ZEB1: variants seen among roughly 807,000 people sequenced by gnomAD.
ZEB1 encodes the protein zinc finger E-box-binding homeobox 1.
In ZEB1, 21 loss-of-function variants were observed where a neutral mutation model predicts 84.9. That is an observed-to-expected ratio of 0.25 (90% confidence interval 0.18 to 0.36). The LOEUF (loss-of-function observed/expected upper bound fraction) is 0.36. Ranked by LOEUF, ZEB1 falls within the 10% of genes least tolerant of loss-of-function variation. The probability of loss-of-function intolerance (pLI) is 1.00; values close to 1 mark genes in which losing one functional copy is unlikely to be tolerated. For missense variants in ZEB1, 1,104 were observed against 1,330.2 expected (o/e 0.83, Z 2.65); for synonymous variants, 420 against 471.1 (o/e 0.89, Z 1.41).
chr10:31,453,655 G>T (rs1430996260), intron 1 of ZEB1, among the ~76,000 whole-genome samples: 1 of 151,986 alleles, frequency 6.6e-6, no homozygotes, highest in Non-Finnish European at 1.5e-5. Context: ...TAGAAAATCT[G>T]GAAGAAATGG....
At chr10:31,454,164 T>G (rs1009656196) in intron 1 of ZEB1, among the ~76,000 whole-genome samples, 3 of 152,014 alleles carry the variant, frequency 2.0e-5, no homozygotes, top group Admixed American at 1.3e-4. Flanking sequence ...AAAACCACAT[T>G]ATTATCTCAA....
At chr10:31,398,443 T>G (rs531919409) in intron 1 of ZEB1, among the ~76,000 whole-genome samples, 1 of 152,152 alleles carries the variant, frequency 6.6e-6, no homozygotes, top group Non-Finnish European at 1.5e-5. Context: ...GGGGCAATTC[T>G]GCCTTCTCTC....
intron 1 of ZEB1, among the ~76,000 whole-genome samples, chr10:31,435,027 C>T (rs1378664781): frequency 2.6e-5 from 4 of 152,096 alleles, no homozygotes; most frequent in Non-Finnish European, 5.9e-5. Flanking sequence ...GAATATGTTA[C>T]ATTACTTAAA....
chr10:31,394,742 G>C (rs770493300), intron 1 of ZEB1, among the ~76,000 whole-genome samples: 12 of 152,220 alleles, frequency 7.9e-5, no homozygotes, highest in Non-Finnish European at 1.8e-4. Flanking sequence ...TCCGTCATAT[G>C]CATGTACTAC....
chr10:31,404,220 G>GTT lies in ZEB1; in HGVS notation c.59-56808_59-56807dup, dbSNP rs144566817. Among the ~76,000 whole-genome samples, 1,060 of 147,902 alleles carry GTT rather than the reference G, an allele frequency of 7.2e-3. 14 individuals carry two copies. Among genetic ancestry groups the GTT allele is most frequent in the African/African-American group, 0.024 (981 of 40,578 alleles). The stretch of plus-strand genomic sequence containing the variant: ...TTGCTGTGTACCCTTTTCTGCAGCC[G>GTT]TTTTTTTTTTAACTCTTAAAGTCTG... On this transcript the variant is annotated intron_variant, in intron 1 of 8. Transcript: ENST00000424869.
intron 2 of ZEB1, among the ~76,000 whole-genome samples, chr10:31,469,150 AG>A (rs903825651): frequency 6.6e-6 from 1 of 152,236 alleles, no homozygotes; most frequent in African/African-American, 2.4e-5. Context: ...ACAATAGACT[AG>A]ACAAACCAGA....
chr10:31,527,179 G>C lies in ZEB1; in HGVS notation c.3293G>C (p.Arg1098Thr), dbSNP rs1333024440. Residue 1098 changes from arginine (R) to threonine (T), a missense_variant, in exon 9 of 9, where the codon AGG becomes ACG. By Grantham distance (71) the Arg-to-Thr change is moderately conservative. Around this residue, in one of 7 missense-constraint regions of ZEB1, gnomAD observed 173 missense variants for 167.0 expected, o/e 1.04. Transcript: ENST00000424869. ...ACTGAAGGTCTGATGAAGGATGACA[G>C]GGCTGAAAGTCAAGCAAGCAGCTTA... ...AKTEGLMKDD[R>T]AESQASSLGQ... The C allele has an allele frequency of 1.2e-6, 2 of 1,611,398 alleles. No homozygotes were observed. The highest frequency in any genetic ancestry group is 1.7e-6 in the Non-Finnish European group (2 of 1,178,754).
At chr10:31,386,149 A>G (rs1444302673) in intron 1 of ZEB1, among the ~76,000 whole-genome samples, 1 of 151,924 alleles carries the variant, frequency 6.6e-6, no homozygotes, top group African/African-American at 2.4e-5. Flanking sequence ...TTAAGAAGGT[A>G]TATTGCTTTT....
chr10:31,364,167 A>G (rs771686865), intron 1 of ZEB1, among the ~76,000 whole-genome samples: 13 of 152,276 alleles, frequency 8.5e-5, no homozygotes, highest in Non-Finnish European at 1.2e-4. Flanking sequence ...TGACATCACT[A>G]TGGGGCTGGT....
chr10:31,452,742 T>TGTGTGTGAGAGAGAGA (rs1387786622), intron 1 of ZEB1, among the ~76,000 whole-genome samples: 42 of 90,808 alleles, frequency 4.6e-4, no homozygotes, highest in Non-Finnish European at 6.0e-4. Flanking sequence ...TGTGTGTGTG[T>TGTGTGTGAGAGAGAGA]GAGAGAGAGA....
At chr10:31,357,673 A>G (rs1463131576) in intron 1 of ZEB1, among the ~76,000 whole-genome samples, 1 of 152,188 alleles carries the variant, frequency 6.6e-6, no homozygotes, top group Non-Finnish European at 1.5e-5. Flanking sequence ...TTCTAAAAGT[A>G]ATGAAAATAG....
At chr10:31,501,550 C>A (rs944978346) in intron 3 of ZEB1, among the ~76,000 whole-genome samples, 3 of 152,022 alleles carry the variant, frequency 2.0e-5, no homozygotes, top group African/African-American at 7.2e-5. Context: ...AAACTATTTT[C>A]TAAGAAATCA....
At chr10:31,451,223 C>T (rs1292812279) in intron 1 of ZEB1, among the ~76,000 whole-genome samples, 1 of 152,052 alleles carries the variant, frequency 6.6e-6, no homozygotes, top group East Asian at 1.9e-4. Flanking sequence ...AATTTATTTG[C>T]TTAGGTTTGG....
chr10:31,318,912 G>A (rs2032880630), upstream of ZEB1: 3 of 429,112 alleles, frequency 7.0e-6, no homozygotes, highest in Non-Finnish European at 1.3e-5. Context: ...AACTCCGACA[G>A]CCCGTCGCCT....
At chr10:31,410,107 C>T (rs1001981947) in intron 1 of ZEB1, among the ~76,000 whole-genome samples, 12 of 152,166 alleles carry the variant, frequency 7.9e-5, no homozygotes, top group African/African-American at 2.9e-4. Flanking sequence ...GGGAATGCTT[C>T]TAGCTTTTGC....
At chr10:31,480,253 T>C (rs1449942918) in intron 2 of ZEB1, among the ~76,000 whole-genome samples, 1 of 152,078 alleles carries the variant, frequency 6.6e-6, no homozygotes, top group Non-Finnish European at 1.5e-5. Flanking sequence ...ATTAAACTTT[T>C]TATGTTAAAA....
chr10:31,495,323 TC>T (rs1427324230), intron 2 of ZEB1, among the ~76,000 whole-genome samples: 4 of 152,030 alleles, frequency 2.6e-5, no homozygotes, highest in Admixed American at 6.6e-5. Flanking sequence ...AGAGCTCTTT[TC>T]CCAAAATAGT....
intron 1 of ZEB1, among the ~76,000 whole-genome samples, chr10:31,342,794 AT>A (rs1179517717): frequency 6.6e-6 from 1 of 152,154 alleles, no homozygotes; most frequent in Admixed American, 6.5e-5. Context: ...TTTCCCCCAT[AT>A]GGATAAGCTC....
intron 2 of ZEB1, among the ~76,000 whole-genome samples, chr10:31,489,214 A>G (rs1034508198): frequency 4.6e-5 from 7 of 151,402 alleles, no homozygotes; most frequent in Non-Finnish European, 1.0e-4. Flanking sequence ...TCATTATGCA[A>G]TGTTTTTCTT....
Sources: gnomAD v4.1 joint callset for allele counts (sites outside exome capture counted in the v4.1 genomes callset) on GRCh38, gnomAD v4.1.1 for gene constraint, gnomAD v4.1.1 regional missense constraint, MANE v1.5 for transcripts, NCBI Gene and HGNC (gene_info 2026-07-23, HGNC 2026-07-21) for gene names.